The following SGCD variants were observed in gnomAD, a reference collection of about 807,000 sequenced individuals.
SGCD encodes sarcoglycan delta.
SGCD carries 18 observed loss-of-function variants against 36.6 expected under a neutral mutation model. The observed-to-expected ratio is 0.49, with a 90% CI of 0.34 to 0.73. The LOEUF is 0.73. Among genes scored for constraint, SGCD ranks in the 30% least tolerant of loss-of-function variants. The probability of loss-of-function intolerance (pLI) is 0.01; values close to 1 mark genes in which losing one functional copy is unlikely to be tolerated. For synonymous variants in SGCD, 133 were observed against 130.6 expected, an observed-to-expected ratio of 1.02 and a Z score of -0.12; for missense variants, 387 against 346.7, an observed-to-expected ratio of 1.12 and a Z score of -0.92.
intron 3 of SGCD, among the ~76,000 whole-genome samples, chr5:156,145,949 C>G (rs957522344): frequency 6.6e-6 from 1 of 152,320 alleles, no homozygotes; most frequent in South Asian, 2.1e-4. Context: ...CGTGGTGGCT[C>G]ATGCCTGTAA....
chr5:156,333,897 C>T (rs1272351335), intron 2 of SGCD, among the ~76,000 whole-genome samples: 6 of 133,522 alleles, frequency 4.5e-5, no homozygotes, highest in African/African-American at 2.8e-5. Context: ...GGAGTTCAAG[C>T]GGAAAAGACA....
At chr5:156,361,074 A>C (rs983007822) in intron 3 of SGCD, among the ~76,000 whole-genome samples, 3 of 152,204 alleles carry the variant, frequency 2.0e-5, no homozygotes, top group Non-Finnish European at 4.4e-5. Flanking sequence ...CTTCGGGGTC[A>C]TGGGCACCCT....
At chr5:156,049,106 G>C (rs868688907) in intron 1 of SGCD, among the ~76,000 whole-genome samples, 2 of 145,962 alleles carry the variant, frequency 1.4e-5, no homozygotes, top group Non-Finnish European at 3.1e-5. Flanking sequence ...TCTTGTTTTT[G>C]TCAGGTTTGT....
chr5:156,188,673 C>CG (rs1300025277), intron 3 of SGCD, among the ~76,000 whole-genome samples: 5 of 133,360 alleles, frequency 3.7e-5, no homozygotes, highest in African/African-American at 5.4e-5. Flanking sequence ...CAACCGCCCC[C>CG]CCCGACACAC....
At chr5:156,582,755 G>T (rs533662851) in intron 4 of SGCD, among the ~76,000 whole-genome samples, 1 of 152,046 alleles carries the variant, frequency 6.6e-6, no homozygotes, top group Non-Finnish European at 1.5e-5. Context: ...ATTCAAGCCC[G>T]TCTCCCCACT....
chr5:155,925,385 A>G (rs1163158603), intron 1 of SGCD, among the ~76,000 whole-genome samples: 2 of 152,226 alleles, frequency 1.3e-5, no homozygotes, highest in African/African-American at 2.4e-5. Flanking sequence ...GAGGCCAGAC[A>G]TGTGAAATGA....
chr5:156,268,869 C>T (rs1384847714), intron 3 of SGCD, among the ~76,000 whole-genome samples: 1 of 152,148 alleles, frequency 6.6e-6, no homozygotes, highest in Admixed American at 6.5e-5. Flanking sequence ...GCTGGGATTA[C>T]AGGCATGAGC....
chr5:155,835,002 A>ATTTTTTTTTTTTTTTTTTCTTTTTTTT, the SGCD span, among the ~76,000 whole-genome samples: 1 of 60,184 alleles, frequency 1.7e-5, no homozygotes, highest in Non-Finnish European at 3.1e-5. Context: ...TGCCCAGCTA[A>ATTTTTTTTTTTTTTTTTTCTTTTTTTT]TTTTTTTTTT....
chr5:156,524,114 A>AAAACTGTAGTTT (rs1561754017), intron 4 of SGCD, among the ~76,000 whole-genome samples: 21 of 49,708 alleles, frequency 4.2e-4, no homozygotes, highest in Non-Finnish European at 6.7e-4. Flanking sequence ...ATATATATAT[A>AAAACTGTAGTTT]TATATATATA....
chr5:155,990,090 C>T (rs1047681549), intron 1 of SGCD, among the ~76,000 whole-genome samples: 28 of 152,176 alleles, frequency 1.8e-4, no homozygotes, highest in African/African-American at 6.5e-4. Context: ...TGAGAGACAA[C>T]TGCTGTCAGA....
chr5:155,907,711 A>G (rs1314216667), intron 1 of SGCD, among the ~76,000 whole-genome samples: 1 of 152,172 alleles, frequency 6.6e-6, no homozygotes, highest in Non-Finnish European at 1.5e-5. Context: ...TCTTATGGAT[A>G]AGCAAGGAAA....
chr5:156,352,552 C>T (rs1197357159), intron 3 of SGCD, among the ~76,000 whole-genome samples: 1 of 152,170 alleles, frequency 6.6e-6, no homozygotes, highest in African/African-American at 2.4e-5. Context: ...GGTAGGACCT[C>T]AGTAAATGAT....
At chr5:156,371,809 C>G (rs1702424513) in intron 3 of SGCD, among the ~76,000 whole-genome samples, 1 of 152,202 alleles carries the variant, frequency 6.6e-6, no homozygotes, top group Non-Finnish European at 1.5e-5. Context: ...CGTCTAATCT[C>G]CATGCCTTTG....
At chr5:156,093,980 T>A (rs1444517684) in intron 1 of SGCD, among the ~76,000 whole-genome samples, 1 of 152,192 alleles carries the variant, frequency 6.6e-6, no homozygotes, top group Non-Finnish European at 1.5e-5. Flanking sequence ...TTTGCCTAAG[T>A]GGGAATTGCC....
chr5:155,967,049 G>C (rs13354764), intron 1 of SGCD, among the ~76,000 whole-genome samples: 1 of 151,636 alleles, frequency 6.6e-6, no homozygotes, highest in Non-Finnish European at 1.5e-5. Flanking sequence ...CTTTATTGTC[G>C]TGCATATTGG....
intron 3 of SGCD, among the ~76,000 whole-genome samples, chr5:156,163,711 A>T (rs552700373): frequency 1.3e-5 from 2 of 151,602 alleles, no homozygotes; most frequent in South Asian, 4.1e-4. Flanking sequence ...GGAATCTACC[A>T]ATATTATTAT....
chr5:156,631,728 A>G (rs2113533894), intron 6 of SGCD, among the ~76,000 whole-genome samples: 1 of 152,166 alleles, frequency 6.6e-6, no homozygotes, highest in South Asian at 2.1e-4. Context: ...TTTGCCTGGT[A>G]TTGAAAATTG....
At chr5:156,300,141 G>A (rs951133743) in intron 3 of SGCD, among the ~76,000 whole-genome samples, 7 of 151,900 alleles carry the variant, frequency 4.6e-5, no homozygotes, top group African/African-American at 1.2e-4. Flanking sequence ...TTATGATAAA[G>A]GGATGTTGAA....
chr5:155,828,599 C>G, the SGCD span, among the ~76,000 whole-genome samples: 3 of 152,110 alleles, frequency 2.0e-5, no homozygotes, highest in African/African-American at 7.2e-5. Context: ...CCTTCTTCTT[C>G]CCAACTTCTG....
Sources: gnomAD v4.1 joint callset for allele counts (sites outside exome capture counted in the v4.1 genomes callset) on GRCh38, gnomAD v4.1.1 for gene constraint, MANE v1.5 for transcripts, NCBI Gene and HGNC (gene_info 2026-07-23, HGNC 2026-07-21) for gene names.